The following FARP1 variants were observed in gnomAD, a reference collection of about 807,000 sequenced individuals.
FARP1 encodes the protein FERM, ARH/RhoGEF and pleckstrin domain protein 1.
Under a neutral mutation model 128.8 loss-of-function variants are expected in FARP1, and 52 were observed. The ratio of observed to expected loss-of-function variants is 0.40; its 90% CI spans 0.32 to 0.51. The LOEUF is 0.51. Among genes scored for constraint, FARP1 ranks in the 20% least tolerant of loss-of-function variants. The pLI, the probability that FARP1 is intolerant of heterozygous loss-of-function variation, is 0.45. For synonymous variants in FARP1, 580 were observed against 551.8 expected (o/e 1.05, Z -0.72); for missense variants, 1,333 against 1,367.9 (o/e 0.97, Z 0.40).
intron 17 of FARP1, among the ~76,000 whole-genome samples, chr13:98,426,110 CAT>C (rs1566310733): frequency 1.3e-5 from 2 of 152,196 alleles, no homozygotes; most frequent in Non-Finnish European, 1.5e-5. Flanking sequence ...ACAAGACACT[CAT>C]AGAATGAAAT....
At position 98,446,172 on chromosome 13, in the gene FARP1, A is replaced by C. The variant is rs759775212; in HGVS notation, c.2871A>C (p.Thr957=). 1 of 1,613,818 alleles carries C rather than the reference A, an allele frequency of 6.2e-7. No individual in the cohort carries two copies. The highest frequency in any genetic ancestry group is 8.5e-7 in the Non-Finnish European group (1 of 1,179,712). The change falls in exon 25 of 27, where the codon ACA becomes ACC. Residue 957 remains threonine (T), a synonymous_variant. Coordinates refer to ENST00000319562, the MANE Select transcript of FARP1 (RefSeq NM_005766.4). ...GGCAGAAGCTGTGGGTGGTGTTCAC[A>C]AACTTCTGCCTGTTCTTCTACAAAT... ...NGWQKLWVVF[T]NFCLFFYKSH... is the part of the protein sequence containing the mutation.
chr13:98,263,117 T>C (rs949689067), intron 2 of FARP1, among the ~76,000 whole-genome samples: 1 of 152,118 alleles, frequency 6.6e-6, no homozygotes, highest in African/African-American at 2.4e-5. Context: ...CAAGCGATTC[T>C]CCTGCCTCAG....
At chr13:98,320,682 T>G (rs1216307731) in intron 2 of FARP1, among the ~76,000 whole-genome samples, 1 of 152,194 alleles carries the variant, frequency 6.6e-6, no homozygotes, top group African/African-American at 2.4e-5. Context: ...TTTAAAGCAT[T>G]TATTCTGAAC....
intron 2 of FARP1, among the ~76,000 whole-genome samples, chr13:98,331,178 A>T (rs1887493096): frequency 6.6e-6 from 1 of 152,224 alleles, no homozygotes; most frequent in African/African-American, 2.4e-5. Context: ...TGTGCTTAGT[A>T]ATTCATAATC....
chr13:98,303,840 A>G lies in FARP1; in HGVS notation c.172-39922A>G, dbSNP rs183434727. ...GCCAGAGGAGGGATTCTGCAAAGAA[A>G]AACAGACAATTAAGAAATTCAAAGA... On this transcript the variant is annotated intron_variant, in intron 2 of 26. Transcript: ENST00000319562. Among the ~76,000 whole-genome samples the G allele has an allele frequency of 1.7e-3, 263 of 152,340 alleles. 2 individuals carry two copies. Among genetic ancestry groups the G allele is most frequent in the African/African-American group, 6.1e-3 (254 of 41,568 alleles).
chr13:98,187,168 A>G (rs1470901718), intron 1 of FARP1, among the ~76,000 whole-genome samples: 1 of 151,982 alleles, frequency 6.6e-6, no homozygotes, highest in Non-Finnish European at 1.5e-5. Context: ...CAGCTCATTC[A>G]TTATTTTTTG....
At chr13:98,144,732 AAG>A (rs1221080751) in intron 1 of FARP1, among the ~76,000 whole-genome samples, 1 of 152,234 alleles carries the variant, frequency 6.6e-6, no homozygotes, top group Non-Finnish European at 1.5e-5. Context: ...GGAGAGGAGA[AAG>A]AAACATCTTT....
chr13:98,367,846 T>C (rs12184936), intron 4 of FARP1, among the ~76,000 whole-genome samples: 2,086 of 152,360 alleles, frequency 0.014, 46 homozygotes, highest in African/African-American at 0.048. Context: ...AAAACCTAGA[T>C]AAAATTTAAG....
At position 98,176,551 on chromosome 13, in the gene FARP1, T is replaced by C. The variant is rs762988535; in HGVS notation, c.-24+33059T>C. On this transcript the variant is annotated intron_variant, in intron 1 of 26. Coordinates refer to ENST00000319562, the MANE Select transcript of FARP1 (RefSeq NM_005766.4). This position sits in a 1 kb window ranked among gnomAD's most constrained non-coding sequence, Gnocchi z 6.2. ...GATACAGTAGCGACCCTCTTCAAGC[T>C]CCCGTTCAATCTCCCACCCGAGCTT... The C allele has an allele frequency of 8.7e-6, 14 of 1,614,156 alleles. No individual in the cohort carries two copies. Among genetic ancestry groups the C allele is most frequent in the Admixed American group, 3.3e-5 (2 of 60,018 alleles).
chr13:98,314,767 C>G lies in FARP1; in HGVS notation c.172-28995C>G, dbSNP rs530058135. 7.6e-4 allele frequency among the ~76,000 whole-genome samples: 115 copies of G among 152,304 alleles called. 1 individual carries two copies. The highest frequency in any genetic ancestry group is 6.8e-3 in the Middle Eastern group (2 of 294). On this transcript the variant is annotated intron_variant, in intron 2 of 26. Coordinates refer to ENST00000319562, the MANE Select transcript of FARP1 (RefSeq NM_005766.4). Reference sequence around the variant, plus strand: ...GAGGCAATTAGACCCCACGAATAACCCAGCTCTTGTGGTCCTGCGGGACGC... The same window carrying G: ...GAGGCAATTAGACCCCACGAATAACGCAGCTCTTGTGGTCCTGCGGGACGC...
intron 2 of FARP1, among the ~76,000 whole-genome samples, chr13:98,231,155 A>T (rs945693948): frequency 6.6e-6 from 1 of 152,206 alleles, no homozygotes; most frequent in East Asian, 1.9e-4. Context: ...CAGCCAAATC[A>T]TATCAGCAGG....
At chr13:98,435,064 A>G (rs903088284) in intron 18 of FARP1, 6 of 152,616 alleles carry the variant, frequency 3.9e-5, no homozygotes, top group Admixed American at 6.5e-5. Flanking sequence ...TAAACAGTGT[A>G]ATTTCCACAC....
At chr13:98,396,642 G>A in intron 13 of FARP1, 1 of 397,582 alleles carries the variant, frequency 2.5e-6, no homozygotes, top group Non-Finnish European at 4.4e-6. Flanking sequence ...GAGTCTGCCT[G>A]ACTTCTAAAA....
At chr13:98,440,493 A>T (rs1280659341) in intron 23 of FARP1, among the ~76,000 whole-genome samples, 177 bp from the exon 24 acceptor site, 2 of 152,058 alleles carry the variant, frequency 1.3e-5, no homozygotes, top group African/African-American at 2.4e-5. Flanking sequence ...CACACCCGGG[A>T]GGGGCTGGGG....
At chr13:98,403,779 G>A (rs1235662544) in intron 13 of FARP1, 1 of 152,222 alleles carries the variant, frequency 6.6e-6, no homozygotes, top group Admixed American at 6.5e-5. Flanking sequence ...GGTTCTTTGA[G>A]CATGGAAGGC....
intron 1 of FARP1, among the ~76,000 whole-genome samples, chr13:98,179,863 AC>A (rs974059225): frequency 6.6e-6 from 1 of 151,874 alleles, no homozygotes; most frequent in African/African-American, 2.4e-5. Flanking sequence ...TCTCAAAAAA[AC>A]AAAACAAAAC....
chr13:98,240,816 G>A lies in FARP1; in HGVS notation c.171+27403G>A, dbSNP rs568171236. Among the ~76,000 whole-genome samples, 8 of 152,342 alleles carry A rather than the reference G, an allele frequency of 5.3e-5. No homozygotes were observed. In the South Asian group the frequency reaches 1.7e-3, roughly 32 times the overall value. On this transcript the variant is annotated intron_variant, in intron 2 of 26. Transcript: ENST00000319562. ...CATCGTGAACATCTTAGGATGGGAA[G>A]GCCTCAGGGAAGGGCTTTCGGGGAA...
intron 13 of FARP1, chr13:98,396,954 T>C (rs1346979756): frequency 1.3e-5 from 2 of 152,978 alleles, no homozygotes; most frequent in African/African-American, 4.8e-5. Flanking sequence ...GAGGGCTGCT[T>C]TGTCCATGCC....
At chr13:98,312,128 G>A (rs1316651535) in intron 2 of FARP1, among the ~76,000 whole-genome samples, 1 of 84,784 alleles carries the variant, frequency 1.2e-5, no homozygotes, top group Admixed American at 1.3e-4. Context: ...ATTGCAGGTG[G>A]TAACTGCTTT....
Sources: allele counts gnomAD v4.1 joint callset (sites outside exome capture counted in the v4.1 genomes callset), GRCh38; gene constraint gnomAD v4.1.1; non-coding constraint Gnocchi (gnomAD v3.1); transcripts MANE v1.5; gene names NCBI Gene and HGNC (gene_info 2026-07-23, HGNC 2026-07-21).